FAM43A: variants seen among roughly 807,000 people sequenced by gnomAD.
FAM43A encodes the protein family with sequence similarity 43 member A, also known as protein FAM43A.
In FAM43A, 11 loss-of-function variants were observed where a neutral mutation model predicts 15.7. The ratio of observed to expected loss-of-function variants is 0.70; its 90% confidence interval spans 0.44 to 1.16. The LOEUF (loss-of-function observed/expected upper bound fraction) is 1.16, where lower values mean the gene tolerates loss of function less well. FAM43A is among the 50% of genes most tolerant of loss of function. FAM43A has a pLI of 0.00. For missense variants in FAM43A, 573 were observed against 620.0 expected (o/e 0.92, Z 0.80); for synonymous variants, 319 against 291.7 (o/e 1.09, Z -0.96).
Position 194,688,344 on chromosome 3 carries a change from C to T in FAM43A, c.*246C>T. ...GAGATTTGAGAGGGGAAAACCCCGC[C>T]AGGAGGGAGAGAGAGGCACCCCTCT... On this transcript the variant is annotated 3_prime_UTR_variant, in exon 1 of 1. Coordinates refer to ENST00000329759, the MANE Select transcript of FAM43A (RefSeq NM_153690.5). 2.4e-6 allele frequency: 1 copy of T among 409,294 alleles called. No individual in the cohort carries two copies. The highest frequency in any genetic ancestry group is 4.4e-6 in the Non-Finnish European group (1 of 229,720). The allele number at this position is 409,294 out of a possible 1,614,324, so 25.4% of individuals were successfully genotyped here.
chr3:194,688,098 A>G lies in FAM43A; in HGVS notation c.1272A>G (p.Ter424TrpextTer107). The G allele has an allele frequency of 7.5e-7, 1 of 1,341,018 alleles. No individual in the cohort carries two copies. The allele number at this position is 1,341,018 out of a possible 1,614,324, so 83.1% of individuals were successfully genotyped here. A position where few individuals can be genotyped will look rare whatever the true frequency, so the allele number is the denominator to read the frequency against. Residue 424 changes from the stop codon to tryptophan (W), a stop_lost, in exon 1 of 1, where the codon TGA (stop) becomes TGG (tryptophan). Transcript: ENST00000329759. ...GASADEPHSG[*>W] ...GTGCAGACGAGCCCCACTCGGGCTGAGCTCCTCCGCGCGTCGCCGGCGCTC... is the reference window on the plus strand; with the variant it reads ...GTGCAGACGAGCCCCACTCGGGCTGGGCTCCTCCGCGCGTCGCCGGCGCTC...
Position 194,687,393 on chromosome 3 carries a change from C to T in FAM43A, c.567C>T (p.Tyr189=). The T allele has an allele frequency of 6.5e-7, 1 of 1,534,946 alleles. No individual in the cohort carries two copies. Among genetic ancestry groups the T allele is most frequent in the Non-Finnish European group, 8.8e-7 (1 of 1,140,934 alleles). The change falls in exon 1 of 1, where the codon TAC becomes TAT. Residue 189 remains tyrosine (Y), a synonymous_variant. Transcript: ENST00000329759. ...CGCAGGCCATGGCCCTGCTGCTCTA[C>T]CAGACGTCGGCCAACGCGCTGGCGG... ...EKAQAMALLL[Y]QTSANALAEF... is the part of the protein sequence containing the mutation.
rs1375965860 is a variant in FAM43A at position 194,687,810 on chromosome 3, C to G, written c.984C>G (p.Gly328=). Residue 328 remains glycine, a synonymous_variant, in exon 1 of 1, where the codon GGC becomes GGG. Coordinates refer to ENST00000329759, the MANE Select transcript of FAM43A (RefSeq NM_153690.5). ...GCCGTGGGGAGGCGCTAGGAGGCGG[C>G]GGGGGCTCCCTGGGCCCGGGGGCCG... The part of the protein sequence containing the change: ...ENGRGEALGG[G]GGSLGPGAGP... The G allele has an allele frequency of 1.4e-6, 2 of 1,451,218 alleles. No homozygotes were observed. The highest frequency in any genetic ancestry group is 2.9e-5 in the South Asian group (2 of 67,946). 89.9% of individuals were successfully genotyped at this position (1,451,218 alleles called of 1,614,324 possible).
rs1204726435 is a variant in FAM43A at position 194,686,760 on chromosome 3, T to C, written c.-67T>C. On this transcript the variant is annotated 5_prime_UTR_variant, in exon 1 of 1. Transcript: ENST00000329759. ...GCCGAGCCTGGCAGGGGCCGGTGGC[T>C]CAGCGGGCCTCGCACCCGGCGCTCC... The C allele has an allele frequency of 7.5e-7, 1 of 1,335,078 alleles. No homozygotes were observed. Among genetic ancestry groups the C allele is most frequent in the African/African-American group, 1.6e-5 (1 of 64,510 alleles). The allele number at this position is 1,335,078 out of a possible 1,614,324, so 82.7% of individuals were successfully genotyped here.
At position 194,687,801 on chromosome 3, in the gene FAM43A, A is replaced by G; in HGVS notation, c.975A>G (p.Leu325=). 1 of 1,457,860 alleles carries G rather than the reference A, an allele frequency of 6.9e-7. No homozygotes were observed. Among genetic ancestry groups the G allele is most frequent in the Non-Finnish European group, 9.1e-7 (1 of 1,101,674 alleles). 90.3% of individuals were successfully genotyped at this position (1,457,860 alleles called of 1,614,324 possible). A position where few individuals can be genotyped will look rare whatever the true frequency, so the allele number is the denominator to read the frequency against. The part of the protein sequence containing the change: ...DTLENGRGEA[L]GGGGGSLGPG... ...TGGAGAATGGCCGTGGGGAGGCGCTAGGAGGCGGCGGGGGCTCCCTGGGCC... is the reference window on the plus strand; with the variant it reads ...TGGAGAATGGCCGTGGGGAGGCGCTGGGAGGCGGCGGGGGCTCCCTGGGCC... Residue 325 remains leucine, a synonymous_variant, in exon 1 of 1, where the codon CTA becomes CTG. Coordinates refer to ENST00000329759, the MANE Select transcript of FAM43A (RefSeq NM_153690.5).
In FAM43A at chr3:194,686,844, G is replaced by T. The variant is rs1485750606; in HGVS notation, c.18G>T (p.Lys6Asn). The T allele has an allele frequency of 6.3e-7, 1 of 1,589,536 alleles. No homozygotes were observed. The change falls in exon 1 of 1, where the codon AAG (lysine) becomes AAT (asparagine). Residue 6 changes from lysine to asparagine, a missense_variant. Lys to Asn is a moderately conservative substitution (Grantham distance 94). Coordinates refer to ENST00000329759, the MANE Select transcript of FAM43A (RefSeq NM_153690.5). ...CTCCGGAGATGCTGCCGTGGAAGAA[G>T]CACAAGTTCGAGCTGCTGGCCGAGG... Reference protein sequence around the residue: MLPWKKHKFELLAEAP... With the variant: MLPWKNHKFELLAEAP...
In FAM43A at chr3:194,686,779, G is replaced by A; in HGVS notation, c.-48G>A. ...GGTGGCTCAGCGGGCCTCGCACCCG[G>A]CGCTCCGCCGCCGCCGCCGCCCAGC... On this transcript the variant is annotated 5_prime_UTR_variant, in exon 1 of 1. Transcript: ENST00000329759. The A allele has an allele frequency of 7.3e-7, 1 of 1,376,450 alleles. No homozygotes were observed. Among genetic ancestry groups the A allele is most frequent in the Non-Finnish European group, 9.3e-7 (1 of 1,076,986 alleles). The allele number at this position is 1,376,450 out of a possible 1,614,324, so 85.3% of individuals were successfully genotyped here. A position where few individuals can be genotyped will look rare whatever the true frequency, so the allele number is the denominator to read the frequency against.
Position 194,686,748 on chromosome 3 carries a change from G to C in FAM43A, c.-79G>C, listed in dbSNP as rs1484049662. On this transcript the variant is annotated 5_prime_UTR_variant, in exon 1 of 1. Transcript: ENST00000329759. Reference sequence around the variant, plus strand: ...GATCTTGCCCGGGCCGAGCCTGGCAGGGGCCGGTGGCTCAGCGGGCCTCGC... The same window carrying C: ...GATCTTGCCCGGGCCGAGCCTGGCACGGGCCGGTGGCTCAGCGGGCCTCGC... 14 of 1,301,420 alleles carry C rather than the reference G, an allele frequency of 1.1e-5. No individual in the cohort carries two copies. Among genetic ancestry groups the C allele is most frequent in the East Asian group, 3.2e-5 (1 of 31,604 alleles). The allele number at this position is 1,301,420 out of a possible 1,614,324, so 80.6% of individuals were successfully genotyped here.
chr3:194,688,042 G>A lies in FAM43A; in HGVS notation c.1216G>A (p.Gly406Arg), dbSNP rs986500156. ...CCCTGACGCCACCTCCGCCACCGCC[G>A]GGGACTCGTCCCGCCAGGCCGACGG... ...GGPDATSATA[G>R]DSSRQADGAS... is the part of the protein sequence containing the mutation. The change falls in exon 1 of 1, where the codon GGG (glycine) becomes AGG (arginine). Residue 406 changes from glycine (G) to arginine (R), a missense_variant. Gly to Arg is a moderately radical substitution (Grantham distance 125, BLOSUM62 -2). Coordinates refer to ENST00000329759, the MANE Select transcript of FAM43A (RefSeq NM_153690.5). 1 of 1,415,578 alleles carries A rather than the reference G, an allele frequency of 7.1e-7. No homozygotes were observed. The highest frequency in any genetic ancestry group is 2.8e-5 in the East Asian group (1 of 36,258). The allele number at this position is 1,415,578 out of a possible 1,614,324, so 87.7% of individuals were successfully genotyped here.
rs1719482693 is a variant in FAM43A, at chr3:194,688,542, A to AAG, written c.*445_*446insGA. ...TGACATCTCATTAAAAAAAAAAAAA[A>AAG]ATTTGCTCTCAAGGTGTTTGAGGCT... On this transcript the variant is annotated 3_prime_UTR_variant, in exon 1 of 1. Transcript: ENST00000329759. 6.0e-6 allele frequency: 1 copy of AAG among 167,596 alleles called. No homozygotes were observed. Among genetic ancestry groups the AAG allele is most frequent in the East Asian group, 1.9e-4 (1 of 5,208 alleles). The allele number at this position is 167,596 out of a possible 1,614,324, so 10.4% of individuals were successfully genotyped here. A position where few individuals can be genotyped will look rare whatever the true frequency, so the allele number is the denominator to read the frequency against.
Position 194,687,155 on chromosome 3 carries a change from A to G in FAM43A, c.329A>G (p.Lys110Arg). ...GCGGGCCGTCAGGGCACCAAGATGA[A>G]GCTGACGGTGAGTGCGCAGGGTATC... The part of the protein sequence containing the change: ...SEAGRQGTKM[K>R]LTVSAQGIRM... The change falls in exon 1 of 1, where the codon AAG becomes AGG. Residue 110 changes from lysine (K) to arginine (R), a missense_variant. Transcript: ENST00000329759. The G allele has an allele frequency of 6.2e-7, 1 of 1,612,464 alleles. No individual in the cohort carries two copies. The highest frequency in any genetic ancestry group is 8.5e-7 in the Non-Finnish European group (1 of 1,179,888).
rs1033708185 is a variant in FAM43A, at chr3:194,688,988, T to C, written c.*890T>C. 3 of 160,710 alleles carry C rather than the reference T, an allele frequency of 1.9e-5. No homozygotes were observed. Among genetic ancestry groups the C allele is most frequent in the Non-Finnish European group, 2.9e-5 (2 of 68,100 alleles). 10.0% of individuals were successfully genotyped at this position (160,710 alleles called of 1,614,324 possible). A position where few individuals can be genotyped will look rare whatever the true frequency, so the allele number is the denominator to read the frequency against. ...TTTTTTAAAAGTAGCACTGTTCTGG[T>C]TCTGTTTGCACGCCAGTGGGGAGAG... On this transcript the variant is annotated 3_prime_UTR_variant, in exon 1 of 1. Transcript: ENST00000329759.
In FAM43A at chr3:194,686,959, G is replaced by A. The variant is rs1472603277; in HGVS notation, c.133G>A (p.Gly45Ser). The change falls in exon 1 of 1, where the codon GGC becomes AGC. Residue 45 changes from glycine (G) to serine (S), a missense_variant. By Grantham distance (56) the Gly-to-Ser change is moderately conservative. Coordinates refer to ENST00000329759, the MANE Select transcript of FAM43A (RefSeq NM_153690.5). ...LSSLARACPEGALSRVGSMFR... is the reference protein window; with the variant it reads ...LSSLARACPESALSRVGSMFR... ...CTCGCTGGCGCGGGCGTGCCCCGAA[G>A]GCGCGCTTAGCCGGGTGGGCAGCAT... The A allele has an allele frequency of 1.2e-6, 2 of 1,610,694 alleles. No individual in the cohort carries two copies. The highest frequency in any genetic ancestry group is 2.2e-5 in the East Asian group (1 of 44,782).
In FAM43A at chr3:194,687,523, G is replaced by A; in HGVS notation, c.697G>A (p.Gly233Arg). ...LVPLRKLLLH[G>R]PCCYKPPVER... is the part of the protein sequence containing the mutation. ...GCCGCTGCGCAAGCTGCTCCTACAC[G>A]GACCCTGCTGCTATAAACCGCCGGT... is the stretch of plus-strand genomic sequence containing the variant. The change falls in exon 1 of 1, where the codon GGA (glycine) becomes AGA (arginine). Residue 233 changes from glycine to arginine, a missense_variant. Coordinates refer to ENST00000329759, the MANE Select transcript of FAM43A (RefSeq NM_153690.5). 1.3e-6 allele frequency: 2 copies of A among 1,566,708 alleles called. No individual in the cohort carries two copies. Among genetic ancestry groups the A allele is most frequent in the South Asian group, 2.3e-5 (2 of 85,794 alleles).
Position 194,688,054 on chromosome 3 carries a change from C to G in FAM43A, c.1228C>G (p.Arg410Gly), listed in dbSNP as rs185128492. Residue 410 changes from arginine (R) to glycine (G), a missense_variant, in exon 1 of 1, where the codon CGC becomes GGC. Coordinates refer to ENST00000329759, the MANE Select transcript of FAM43A (RefSeq NM_153690.5). ...ATSATAGDSS[R>G]QADGASADEP... is the part of the protein sequence containing the mutation. ...CTCCGCCACCGCCGGGGACTCGTCC[C>G]GCCAGGCCGACGGCGCCAGTGCAGA... The G allele has an allele frequency of 7.4e-4, 1,044 of 1,406,130 alleles. 8 individuals carry two copies. The African/African-American group carries it at 0.014, about 19-fold the overall frequency. The allele number at this position is 1,406,130 out of a possible 1,614,324, so 87.1% of individuals were successfully genotyped here. A position where few individuals can be genotyped will look rare whatever the true frequency, so the allele number is the denominator to read the frequency against.
In FAM43A at chr3:194,686,841, G is replaced by A. The variant is rs781313299; in HGVS notation, c.15G>A (p.Lys5=). Residue 5 remains lysine, a synonymous_variant, in exon 1 of 1, where the codon AAG becomes AAA. Transcript: ENST00000329759. MLPW[K]KHKFELLAEA... ...GCCCTCCGGAGATGCTGCCGTGGAA[G>A]AAGCACAAGTTCGAGCTGCTGGCCG... The A allele has an allele frequency of 6.3e-7, 1 of 1,579,286 alleles. No homozygotes were observed. Among genetic ancestry groups the A allele is most frequent in the Non-Finnish European group, 8.5e-7 (1 of 1,170,226 alleles).
rs774504244 is a variant in FAM43A, at chr3:194,688,028, C to T, written c.1202C>T (p.Thr401Ile). ...ATCGAGGGCGGGGGCCCTGACGCCACCTCCGCCACCGCCGGGGACTCGTCC... is the reference window on the plus strand; with the variant it reads ...ATCGAGGGCGGGGGCCCTGACGCCATCTCCGCCACCGCCGGGGACTCGTCC... ...SSIEGGGPDA[T>I]SATAGDSSRQ... Residue 401 changes from threonine (T) to isoleucine (I), a missense_variant, in exon 1 of 1, where the codon ACC (threonine) becomes ATC (isoleucine). Transcript: ENST00000329759. The T allele has an allele frequency of 6.3e-6, 9 of 1,420,844 alleles. No homozygotes were observed. The highest frequency in any genetic ancestry group is 5.8e-5 in the Admixed American group (2 of 34,674). The allele number at this position is 1,420,844 out of a possible 1,614,324, so 88.0% of individuals were successfully genotyped here. A position where few individuals can be genotyped will look rare whatever the true frequency, so the allele number is the denominator to read the frequency against.
Position 194,686,886 on chromosome 3 carries a change from G to A in FAM43A, c.60G>A (p.Ala20=). 6.2e-7 allele frequency: 1 copy of A among 1,605,334 alleles called. No individual in the cohort carries two copies. Among genetic ancestry groups the A allele is most frequent in the Non-Finnish European group, 8.5e-7 (1 of 1,177,616 alleles). ...ELLAEAPPRQ[A]SKPKGYAVSL... ...TGGCCGAGGCGCCGCCGCGGCAGGC[G>A]TCCAAGCCCAAGGGCTACGCTGTGA... Residue 20 remains alanine, a synonymous_variant, in exon 1 of 1, where the codon GCG becomes GCA. Transcript: ENST00000329759.
rs956214181 is a variant in FAM43A at position 194,686,242 on chromosome 3, G to C, written c.-585G>C. Among the ~76,000 whole-genome samples the C allele has an allele frequency of 6.6e-6, 1 of 152,174 alleles. No individual in the cohort carries two copies. Among genetic ancestry groups the C allele is most frequent in the Admixed American group, 6.5e-5 (1 of 15,284 alleles). ...GCTGACTTGAGACCAGCCCAAACGG[G>C]GGGCTTTCCATCTCCAGCACCCCTC... is the stretch of plus-strand genomic sequence containing the variant. On this transcript the variant is annotated 5_prime_UTR_variant, in exon 1 of 1. Coordinates refer to ENST00000329759, the MANE Select transcript of FAM43A (RefSeq NM_153690.5).
Sources: allele counts gnomAD v4.1 joint callset (sites outside exome capture counted in the v4.1 genomes callset), GRCh38; gene constraint gnomAD v4.1.1; transcripts MANE v1.5; gene names NCBI Gene and HGNC (gene_info 2026-07-23, HGNC 2026-07-21).